Variants in GRIN2D observed in about 807,000 individuals in gnomAD.
GRIN2D encodes the protein glutamate receptor ionotropic, NMDA 2D.
Under a neutral mutation model 103.2 loss-of-function variants are expected in GRIN2D, and 37 were observed. The ratio of observed to expected loss-of-function variants is 0.36; its 90% CI spans 0.28 to 0.47. GRIN2D has a LOEUF of 0.47. GRIN2D is among the 20% of genes least tolerant of loss of function. The pLI is 1.00. For synonymous variants in GRIN2D, 845 were observed against 885.6 expected (o/e 0.95, Z 0.81); for missense variants, 1,557 against 1,910.6 (o/e 0.81, Z 3.45).
intron 10 of GRIN2D, among the ~76,000 whole-genome samples, chr19:48,421,000 A>AT (rs1340585864): frequency 6.6e-6 from 1 of 152,188 alleles, no homozygotes; most frequent in Non-Finnish European, 1.5e-5. Flanking sequence ...GACTAAAGTG[A>AT]TTAACTAGCT....
chr19:48,442,835 C>A lies in GRIN2D; in HGVS notation c.2909C>A (p.Pro970Gln). 1 of 1,081,132 alleles carries A rather than the reference C, an allele frequency of 9.2e-7. No individual in the cohort carries two copies. Among genetic ancestry groups the A allele is most frequent in the Non-Finnish European group, 1.1e-6 (1 of 892,610 alleles). The allele number at this position is 1,081,132 out of a possible 1,614,324, so 67.0% of individuals were successfully genotyped here. A position where few individuals can be genotyped will look rare whatever the true frequency, so the allele number is the denominator to read the frequency against. ...CACCGCTACTACGGCCCCATCGAGC[C>A]GCAGGGCCTAGGCCTCGGCCTGGGC... The part of the protein sequence containing the change: ...GFHRYYGPIE[P>Q]QGLGLGLGEA... The change falls in exon 14 of 14, where the codon CCG (proline) becomes CAG (glutamine). Residue 970 changes from proline to glutamine, a missense_variant. Around this residue, in one of 7 missense-constraint regions of GRIN2D, gnomAD observed 632 missense variants for 572.8 expected, o/e 1.10. Coordinates refer to ENST00000263269, the MANE Select transcript of GRIN2D (RefSeq NM_000836.4). The surrounding 1 kb of genome is among the most constrained non-coding windows in gnomAD (Gnocchi z 7.2).
rs553049572 is a variant in GRIN2D at position 48,420,740 on chromosome 19, C to T, written c.2091+926C>T. ...ACTTGGGAGGCTGAGGCAGGAGAAT[C>T]GCTTGAACCCGGGAGGCGGAGGTTA... On this transcript the variant is annotated intron_variant, in intron 10 of 13. Coordinates refer to ENST00000263269, the MANE Select transcript of GRIN2D (RefSeq NM_000836.4). 4.6e-5 allele frequency among the ~76,000 whole-genome samples: 7 copies of T among 152,088 alleles called. No individual in the cohort carries two copies. In the East Asian group the frequency reaches 1.2e-3, roughly 25 times the overall value.
In GRIN2D at chr19:48,442,707, C is replaced by G; in HGVS notation, c.2781C>G (p.Pro927=). The change falls in exon 14 of 14, where the codon CCC becomes CCG. Residue 927 remains proline (P), a synonymous_variant. Transcript: ENST00000263269. This position sits in a 1 kb window ranked among gnomAD's most constrained non-coding sequence, Gnocchi z 7.2. ...CGTACCCCGCGCCGCGGCCGGCTCCCGGGCCCGCACCTTTCGTGCCCCGCG... is the reference window on the plus strand; with the variant it reads ...CGTACCCCGCGCCGCGGCCGGCTCCGGGGCCCGCACCTTTCGTGCCCCGCG... The part of the protein sequence containing the change: ...SPAYPAPRPA[P]GPAPFVPRER... 1 of 1,139,886 alleles carries G rather than the reference C, an allele frequency of 8.8e-7. No individual in the cohort carries two copies. Among genetic ancestry groups the G allele is most frequent in the South Asian group, 3.7e-5 (1 of 26,868 alleles). The allele number at this position is 1,139,886 out of a possible 1,614,324, so 70.6% of individuals were successfully genotyped here. A position where few individuals can be genotyped will look rare whatever the true frequency, so the allele number is the denominator to read the frequency against.
At chr19:48,396,233 G>A (rs576319671) in intron 2 of GRIN2D, among the ~76,000 whole-genome samples, 23 of 152,180 alleles carry the variant, frequency 1.5e-4, no homozygotes, top group African/African-American at 5.1e-4. Flanking sequence ...GAGGGCGTGG[G>A]TTCTGGGGGT....
At chr19:48,406,274 C>A (rs797006606) in intron 4 of GRIN2D, among the ~76,000 whole-genome samples, 7 of 152,332 alleles carry the variant, frequency 4.6e-5, no homozygotes, top group African/African-American at 1.7e-4. Context: ...GCCTGGCCAA[C>A]TGCAAGGAAG....
At chr19:48,411,912 G>T (rs970065760) in intron 4 of GRIN2D, among the ~76,000 whole-genome samples, 3 of 151,974 alleles carry the variant, frequency 2.0e-5, no homozygotes, top group Non-Finnish European at 4.4e-5. Context: ...GACTCTAGGG[G>T]CCTGGCACAG....
rs369360320 is a variant in GRIN2D, at chr19:48,426,224, CTTTT to C, written c.2252+4293_2252+4296del. 7.5e-5 allele frequency among the ~76,000 whole-genome samples: 9 copies of C among 120,118 alleles called. No homozygotes were observed. The South Asian group carries it at 7.6e-4, about 10-fold the overall frequency. The allele number at this position is 120,118 out of a possible 152,430, so 78.8% of individuals were successfully genotyped here. ...TTTCTTTTTCTTTCTTTCTTTCTTT[CTTTT>C]TTTTTTTTTTTTTCTGAAACAGAGT... On this transcript the variant is annotated intron_variant, in intron 11 of 13. Transcript: ENST00000263269.
At chr19:48,400,632 A>G (rs904432025) in intron 3 of GRIN2D, among the ~76,000 whole-genome samples, 1 of 152,138 alleles carries the variant, frequency 6.6e-6, no homozygotes, top group East Asian at 1.9e-4. Context: ...ATTCTGGGAA[A>G]TGTAGTCCCC....
chr19:48,402,100 A>G (rs866714452), intron 3 of GRIN2D, among the ~76,000 whole-genome samples: 1 of 144,590 alleles, frequency 6.9e-6, no homozygotes, highest in African/African-American at 2.7e-5. Context: ...ACTTGAAAGA[A>G]AGAGAGAAAG....
In GRIN2D at chr19:48,412,420, G is replaced by GAAAAGA. The variant is rs1555892630; in HGVS notation, c.1086-1568_1086-1563dup. On this transcript the variant is annotated intron_variant, in intron 4 of 13. Transcript: ENST00000263269. ...AAGAAAAGAAAGAAAGAAAGAGAAA[G>GAAAAGA]AAAAGAAAGAAAGAAAGAAAGAAAG... is the stretch of plus-strand genomic sequence containing the variant. 7.3e-4 allele frequency among the ~76,000 whole-genome samples: 69 copies of GAAAAGA among 95,070 alleles called. 1 individual carries two copies. The highest frequency in any genetic ancestry group is 3.5e-4 in the African/African-American group (9 of 25,870). The allele number at this position is 95,070 out of a possible 152,430, so 62.4% of individuals were successfully genotyped here.
At chr19:48,411,812 A>G (rs1183111392) in intron 4 of GRIN2D, among the ~76,000 whole-genome samples, 1 of 152,006 alleles carries the variant, frequency 6.6e-6, no homozygotes, top group African/African-American at 2.4e-5. Context: ...GAAAAAAAAA[A>G]AGAATTTTGG....
Position 48,421,507 on chromosome 19 carries a change from C to T in GRIN2D, c.2092-278C>T. Among the ~76,000 whole-genome samples the T allele has an allele frequency of 6.6e-6, 1 of 152,118 alleles. No homozygotes were observed. The highest frequency in any genetic ancestry group is 1.9e-4 in the East Asian group (1 of 5,196). ...AGCTCCTGCCATGCCAGCCTCTACT[C>T]CCAGGACCTCCCGCGATTCAGTAAG... On this transcript the variant is annotated intron_variant, in intron 10 of 13. Coordinates refer to ENST00000263269, the MANE Select transcript of GRIN2D (RefSeq NM_000836.4). This position sits in a 1 kb window ranked among gnomAD's most constrained non-coding sequence, Gnocchi z 4.8.
At chr19:48,418,401 G>A (rs1201639211) in intron 8 of GRIN2D, among the ~76,000 whole-genome samples, 3 of 152,138 alleles carry the variant, frequency 2.0e-5, no homozygotes, top group African/African-American at 7.2e-5. Flanking sequence ...AGTGTGACAA[G>A]GCTGAGTGGC....
chr19:48,435,882 C>A (rs1024196510), intron 11 of GRIN2D, among the ~76,000 whole-genome samples: 23 of 152,328 alleles, frequency 1.5e-4, no homozygotes, highest in African/African-American at 5.1e-4. Flanking sequence ...GTGCAATGCA[C>A]GGAATAAATG....
chr19:48,430,347 C>T (rs371384630), intron 11 of GRIN2D, among the ~76,000 whole-genome samples: 2 of 152,284 alleles, frequency 1.3e-5, no homozygotes, highest in Admixed American at 6.5e-5. Flanking sequence ...TACAGGCGTG[C>T]GCCACTGCGC....
intron 2 of GRIN2D, among the ~76,000 whole-genome samples, chr19:48,395,258 G>T (rs1478193314): frequency 6.7e-6 from 1 of 150,214 alleles, no homozygotes; most frequent in East Asian, 1.9e-4. Flanking sequence ...CCTTCTCCCT[G>T]TACCCCCCTC....
intron 4 of GRIN2D, among the ~76,000 whole-genome samples, chr19:48,412,190 G>A (rs1970871050): frequency 6.6e-6 from 1 of 151,792 alleles, no homozygotes. Context: ...TTAGCTGGGT[G>A]TGGTGGCAGG....
At position 48,403,374 on chromosome 19, in the gene GRIN2D, T is replaced by G. The variant is rs959255560; in HGVS notation, c.466-1360T>G. 5.3e-5 allele frequency among the ~76,000 whole-genome samples: 8 copies of G among 152,326 alleles called. No individual in the cohort carries two copies. The East Asian group carries it at 1.5e-3, about 29-fold the overall frequency. On this transcript the variant is annotated intron_variant, in intron 3 of 13. Transcript: ENST00000263269. ...TCCGATTTGAAAGCCACAAGCCACA[T>G]GTGGCTGTTGAGTACTTGACAAGTG...
At chr19:48,415,146 G>A in intron 7 of GRIN2D, 114 bp downstream of exon 7, 6 of 970,572 alleles carry the variant, frequency 6.2e-6, no homozygotes, top group Non-Finnish European at 9.0e-6. Flanking sequence ...CGAGGCGGGC[G>A]AATTGCCTGA....
Sources: allele counts gnomAD v4.1 joint callset (sites outside exome capture counted in the v4.1 genomes callset), GRCh38; gene constraint gnomAD v4.1.1; regional missense constraint gnomAD v4.1.1; non-coding constraint Gnocchi (gnomAD v3.1); transcripts MANE v1.5; gene names NCBI Gene and HGNC (gene_info 2026-07-23, HGNC 2026-07-21).